Variants in PRPF31 observed in about 807,000 individuals in gnomAD.
The protein encoded by PRPF31 is pre-mRNA processing factor 31.
In PRPF31, 12 loss-of-function variants were observed where a neutral mutation model predicts 60.4. The ratio of observed to expected loss-of-function variants is 0.20; its 90% CI spans 0.13 to 0.32. The LOEUF (loss-of-function observed/expected upper bound fraction) is 0.32. Among genes scored for constraint, PRPF31 ranks in the 10% least tolerant of loss-of-function variants. The pLI, the probability that PRPF31 is intolerant of heterozygous loss-of-function variation, is 1.00. For synonymous variants in PRPF31, 287 were observed against 287.9 expected (o/e 1.00, Z 0.03); for missense variants, 431 against 687.1 (o/e 0.63, Z 4.17).
chr19:54,118,808 A>G (rs184900425), intron 3 of PRPF31, 175 bp downstream of exon 3: 6 of 600,694 alleles, frequency 1.0e-5, no homozygotes, highest in Non-Finnish European at 1.7e-5. Context: ...TTGCATTGTA[A>G]AGCTCATGCT....
chr19:54,122,628 C>A (rs150517943), intron 5 of PRPF31, 34 bp downstream of exon 5: 2 of 1,552,368 alleles, frequency 1.3e-6, no homozygotes, highest in South Asian at 1.1e-5. Context: ...CTTCTGCTGG[C>A]GTGAAGGGGC....
At chr19:54,120,220 C>A (rs1305086575) in intron 3 of PRPF31, 3 of 152,228 alleles carry the variant, frequency 2.0e-5, no homozygotes, top group Non-Finnish European at 2.9e-5. Flanking sequence ...GATGCCAGGC[C>A]AAGGAATTTC....
intron 9 of PRPF31, 91 bp downstream of exon 9, chr19:54,126,708 C>G: frequency 1.6e-6 from 2 of 1,268,460 alleles, no homozygotes; most frequent in Non-Finnish European, 2.3e-6. Flanking sequence ...GAGCCCACCC[C>G]AGCGAGCACT....
At chr19:54,130,833 C>T (rs1190849557) in intron 13 of PRPF31, among the ~76,000 whole-genome samples, 1 of 152,098 alleles carries the variant, frequency 6.6e-6, no homozygotes, top group Non-Finnish European at 1.5e-5. Flanking sequence ...GCACTGGGCT[C>T]ACCATTAGAG....
rs2073708168 is a variant in PRPF31, at chr19:54,118,559, C to T, written c.178-14C>T. 1.2e-6 allele frequency: 2 copies of T among 1,614,118 alleles called. No individual in the cohort carries two copies. The highest frequency in any genetic ancestry group is 1.1e-5 in the South Asian group (1 of 91,086). On this transcript the variant is annotated splice_polypyrimidine_tract_variant and intron_variant, in intron 2 of 13. Coordinates refer to ENST00000321030, the MANE Select transcript of PRPF31 (RefSeq NM_015629.4). ...AAGAGTGCTGGATTCTGACTGTCTT[C>T]TCCTTTCCTACAGTTTGCTGAGATT...
At chr19:54,129,917 C>T (rs76284973) in intron 13 of PRPF31, among the ~76,000 whole-genome samples, 1,739 of 152,190 alleles carry the variant, frequency 0.011, 33 homozygotes, top group African/African-American at 0.039. Flanking sequence ...CGGGTGTCTA[C>T]GCAGCACCTG....
Position 54,131,362 on chromosome 19 carries a change from A to C in PRPF31, c.1430A>C (p.Gln477Pro), listed in dbSNP as rs773958709. Residue 477 changes from glutamine (Q) to proline (P), a missense_variant, in exon 14 of 14, where the codon CAG becomes CCG. By Grantham distance (76) the Gln-to-Pro change is moderately conservative. Around this residue, in one of 4 missense-constraint regions of PRPF31, gnomAD observed 314 missense variants for 475.3 expected, o/e 0.66. Transcript: ENST00000321030. ...GAGAAGAAGGTGGCTGAGGCCAACC[A>C]GAAGTATTTCTCCAGCATGGCTGAG... ...AAEKKVAEANQKYFSSMAEFL... is the reference protein window; with the variant it reads ...AAEKKVAEANPKYFSSMAEFL... 1.5e-5 allele frequency: 25 copies of C among 1,613,954 alleles called. No individual in the cohort carries two copies. Among genetic ancestry groups the C allele is most frequent in the Non-Finnish European group, 1.9e-5 (23 of 1,180,020 alleles).
Position 54,131,377 on chromosome 19 carries a change from G to C in PRPF31, c.1445G>C (p.Ser482Thr). ...VAEANQKYFSSMAEFLKVKGE... is the reference protein window; with the variant it reads ...VAEANQKYFSTMAEFLKVKGE... ...GAGGCCAACCAGAAGTATTTCTCCA[G>C]CATGGCTGAGTTCCTCAAGGTCAAG... The change falls in exon 14 of 14, where the codon AGC (serine) becomes ACC (threonine). Residue 482 changes from serine to threonine, a missense_variant. Around this residue, in one of 4 missense-constraint regions of PRPF31, gnomAD observed 314 missense variants for 475.3 expected, o/e 0.66. Coordinates refer to ENST00000321030, the MANE Select transcript of PRPF31 (RefSeq NM_015629.4). 6.2e-7 allele frequency: 1 copy of C among 1,614,102 alleles called. No individual in the cohort carries two copies. The highest frequency in any genetic ancestry group is 8.5e-7 in the Non-Finnish European group (1 of 1,180,018).
intron 3 of PRPF31, among the ~76,000 whole-genome samples, chr19:54,120,623 T>C (rs902517373): frequency 2.0e-5 from 3 of 152,134 alleles, no homozygotes; most frequent in African/African-American, 4.8e-5. Flanking sequence ...TGTTTGTTTG[T>C]TTTTTGAGAC....
At position 54,131,332 on chromosome 19, in the gene PRPF31, C is replaced by T. The variant is rs1291205132; in HGVS notation, c.1400C>T (p.Ala467Val). The change falls in exon 14 of 14, where the codon GCG (alanine) becomes GTG (valine). Residue 467 changes from alanine (A) to valine (V), a missense_variant. By Grantham distance (64) the Ala-to-Val change is moderately conservative (BLOSUM62 0). This residue lies in a region of PRPF31 where 314 missense variants were observed against 475.3 expected (regional missense o/e 0.66). Transcript: ENST00000321030. The part of the protein sequence containing the change: ...LQGLEIVNPQ[A>V]AEKKVAEANQ... ...GGCCTGGAGATTGTGAACCCACAGGCGGCAGAGAAGAAGGTGGCTGAGGCC... is the reference window on the plus strand; with the variant it reads ...GGCCTGGAGATTGTGAACCCACAGGTGGCAGAGAAGAAGGTGGCTGAGGCC... 2.5e-6 allele frequency: 4 copies of T among 1,614,042 alleles called. No individual in the cohort carries two copies. The highest frequency in any genetic ancestry group is 3.4e-6 in the Non-Finnish European group (4 of 1,180,032).
intron 4 of PRPF31, chr19:54,122,176 C>G: frequency 1.6e-6 from 1 of 638,020 alleles, no homozygotes; most frequent in Non-Finnish European, 2.8e-6. Context: ...CCGGCTCTTT[C>G]CATCCTGTTG....
intron 3 of PRPF31, 59 bp from the exon 4 acceptor site, chr19:54,121,800 CG>C (rs1232979989): frequency 1.3e-6 from 2 of 1,502,424 alleles, no homozygotes; most frequent in African/African-American, 2.8e-5. Flanking sequence ...CCTCCAGCTG[CG>C]GGACCCGAGA....
Position 54,128,967 on chromosome 19 carries a change from G to A in PRPF31, c.1147-90G>A, listed in dbSNP as rs1364157612. 5 of 1,374,614 alleles carry A rather than the reference G, an allele frequency of 3.6e-6. No homozygotes were observed. The South Asian group carries it at 5.0e-5, about 14-fold the overall frequency. The allele number at this position is 1,374,614 out of a possible 1,614,324, so 85.2% of individuals were successfully genotyped here. Reference sequence around the variant, plus strand: ...CCGTGGGACCGGCCGGCTGGTGACCGCTGGGCTTCGGGCTGGTGGAGGGGG... The same window carrying A: ...CCGTGGGACCGGCCGGCTGGTGACCACTGGGCTTCGGGCTGGTGGAGGGGG... On this transcript the variant is annotated intron_variant, in intron 11 of 13. Transcript: ENST00000321030.
At chr19:54,127,223 G>A (rs1003716893) in intron 9 of PRPF31, among the ~76,000 whole-genome samples, 5 of 152,170 alleles carry the variant, frequency 3.3e-5, no homozygotes, top group South Asian at 2.1e-4. Context: ...ATCCTGGAGC[G>A]TTCCTTCTGG....
chr19:54,118,212 G>C lies in PRPF31; in HGVS notation c.-8-59G>C, dbSNP rs1159711156. On this transcript the variant is annotated intron_variant, in intron 1 of 13. Transcript: ENST00000321030. The stretch of plus-strand genomic sequence containing the variant: ...TCTTCTGGGGGAGAATCATCGCTCA[G>C]TAATAAGGAGGGACTTTGTCGGGGC... The C allele has an allele frequency of 3.7e-6, 6 of 1,611,352 alleles. No individual in the cohort carries two copies. The African/African-American group carries it at 6.7e-5, about 18-fold the overall frequency.
At chr19:54,117,939 AAGGAGGGAAAC>A (rs1393271505) in intron 1 of PRPF31, among the ~76,000 whole-genome samples, 16 of 152,174 alleles carry the variant, frequency 1.1e-4, no homozygotes, top group Non-Finnish European at 2.2e-4. Context: ...TCTAGTGGGA[AAGGAGGGAAAC>A]AAAGAATTTC....
At position 54,118,273 on chromosome 19, in the gene PRPF31, C is replaced by A. The variant is rs770061891; in HGVS notation, c.-6C>A. ...GGAACGCTGCTGTCCCTCCCCAGGC[C>A]TCGGGATGTCTCTGGCAGATGAGCT... On this transcript the variant is annotated splice_region_variant and 5_prime_UTR_variant, in exon 2 of 14. Transcript: ENST00000321030. 1 of 1,612,542 alleles carries A rather than the reference C, an allele frequency of 6.2e-7. No homozygotes were observed.
At chr19:54,130,517 T>G (rs1441112396) in intron 13 of PRPF31, among the ~76,000 whole-genome samples, 1 of 151,352 alleles carries the variant, frequency 6.6e-6, no homozygotes, top group African/African-American at 2.4e-5. Context: ...CCCAGCTACT[T>G]GGGAGGCTGA....
chr19:54,119,892 C>T (rs2073745390), intron 3 of PRPF31: 1 of 152,130 alleles, frequency 6.6e-6, no homozygotes, highest in Admixed American at 6.5e-5. Flanking sequence ...TCGGGAGACT[C>T]ACTGCTTGCT....
Sources: allele counts gnomAD v4.1 joint callset (sites outside exome capture counted in the v4.1 genomes callset), GRCh38; gene constraint gnomAD v4.1.1; regional missense constraint gnomAD v4.1.1; transcripts MANE v1.5; gene names NCBI Gene and HGNC (gene_info 2026-07-23, HGNC 2026-07-21).